The following FGF12 variants were observed in gnomAD, a reference collection of about 807,000 sequenced individuals.
FGF12 encodes the protein fibroblast growth factor 12, also known as fibroblast growth factor 12B.
A neutral mutation model predicts 23.6 loss-of-function variants in FGF12; 14 were observed. The observed-to-expected ratio is 0.59, with a 90% CI of 0.39 to 0.93. The LOEUF is 0.93. FGF12 is among the 40% of genes least tolerant of loss of function. FGF12 has a pLI of 0.00. For synonymous variants in FGF12, 62 were observed against 77.3 expected (o/e 0.80, Z 1.04); for missense variants, 175 against 217.8 (o/e 0.80, Z 1.24).
At position 192,418,981 on chromosome 3, in the gene FGF12, C is replaced by G. The variant is rs189375222; in HGVS notation, c.14-58443G>C. Among the ~76,000 whole-genome samples the G allele has an allele frequency of 4.5e-3, 684 of 152,302 alleles. 7 individuals are homozygous for G. Among genetic ancestry groups the G allele is most frequent in the African/African-American group, 0.016 (657 of 41,566 alleles). On this transcript the variant is annotated intron_variant, in intron 2 of 5. Transcript: ENST00000445105. ...ACCATGCACAGTCCTGGGCCCTACA[C>G]AGGTTATTTTACCTAATCCTCACAA... is the stretch of plus-strand genomic sequence containing the variant.
In FGF12 at chr3:192,424,861, A is replaced by T. The variant is rs77147977; in HGVS notation, c.14-64323T>A. On this transcript the variant is annotated intron_variant, in intron 2 of 5. Coordinates refer to ENST00000445105, the MANE Select transcript of FGF12 (RefSeq NM_004113.6). The stretch of plus-strand genomic sequence containing the variant: ...AATAGGCCATGTTTTTTATCCCTTC[A>T]CCAGTCTTCTTGCCTCAGCATTTTA... 7.9e-5 allele frequency among the ~76,000 whole-genome samples: 12 copies of T among 152,140 alleles called. No individual in the cohort carries two copies. In the East Asian group the frequency reaches 2.1e-3, roughly 27 times the overall value.
At chr3:192,614,279 A>G (rs186890849) in intron 2 of FGF12, among the ~76,000 whole-genome samples, 28 of 151,788 alleles carry the variant, frequency 1.8e-4, no homozygotes, top group Non-Finnish European at 1.5e-5. Flanking sequence ...CTTTTTTCAA[A>G]CAATCTGCTA....
At chr3:192,492,211 A>C (rs887018516) in intron 2 of FGF12, among the ~76,000 whole-genome samples, 4 of 152,180 alleles carry the variant, frequency 2.6e-5, no homozygotes, top group African/African-American at 9.6e-5. Flanking sequence ...GAATGAAATA[A>C]TTATTTTGCA....
At chr3:192,157,754 T>G (rs748668303) in intron 5 of FGF12, among the ~76,000 whole-genome samples, 2 of 152,226 alleles carry the variant, frequency 1.3e-5, no homozygotes, top group East Asian at 3.8e-4. Context: ...TGCTGTTATT[T>G]ATAAAGCACA....
At chr3:192,344,932 ACAGACT>A (rs1230870614) in intron 3 of FGF12, among the ~76,000 whole-genome samples, 1 of 152,210 alleles carries the variant, frequency 6.6e-6, no homozygotes, top group Non-Finnish European at 1.5e-5. Flanking sequence ...TTTGTCTTAC[ACAGACT>A]TGTCTTGGAG....
chr3:192,651,457 T>C (rs1314878500), intron 2 of FGF12, among the ~76,000 whole-genome samples: 1 of 152,200 alleles, frequency 6.6e-6, no homozygotes, highest in Non-Finnish European at 1.5e-5. Context: ...TACTGGTATA[T>C]GGCAAATAAG....
rs148693151 is a variant in FGF12 at position 192,234,874 on chromosome 3, C to T, written c.229-64218G>A. 1.7e-4 allele frequency among the ~76,000 whole-genome samples: 26 copies of T among 152,330 alleles called. No homozygotes were observed. In the East Asian group the frequency reaches 4.8e-3, roughly 28 times the overall value. The stretch of plus-strand genomic sequence containing the variant: ...ATATTCATATGATGAGCCAATCTTA[C>T]ATCCCAGGACTAAAGCCTGCTTTAT... On this transcript the variant is annotated intron_variant, in intron 4 of 5. Coordinates refer to ENST00000445105, the MANE Select transcript of FGF12 (RefSeq NM_004113.6).
At chr3:192,376,330 ATTAAT>A (rs1719497907) in intron 2 of FGF12, among the ~76,000 whole-genome samples, 1 of 142,692 alleles carries the variant, frequency 7.0e-6, no homozygotes, top group African/African-American at 2.7e-5. Flanking sequence ...CTATATAATT[ATTAAT>A]TTAATTTTAT....
rs1018000277 is a variant in FGF12, at chr3:192,643,757, T to G, written c.13+83424A>C. Among the ~76,000 whole-genome samples, 8 of 152,310 alleles carry G rather than the reference T, an allele frequency of 5.3e-5. No individual in the cohort carries two copies. In the East Asian group the frequency reaches 1.3e-3, roughly 26 times the overall value. On this transcript the variant is annotated intron_variant, in intron 2 of 5. Transcript: ENST00000445105. Reference sequence around the variant, plus strand: ...TATAAATTATAAATAGTATATACATTTTTTAAACCACAGAAAAGACTATCA... The same window carrying G: ...TATAAATTATAAATAGTATATACATGTTTTAAACCACAGAAAAGACTATCA...
intron 4 of FGF12, among the ~76,000 whole-genome samples, chr3:192,266,666 T>C (rs1218681321): frequency 3.9e-5 from 6 of 152,120 alleles, no homozygotes; most frequent in African/African-American, 1.2e-4. Flanking sequence ...AATGAATATG[T>C]TAATTAGGAA....
At chr3:192,345,355 T>C (rs999571448) in intron 3 of FGF12, among the ~76,000 whole-genome samples, 1 of 152,218 alleles carries the variant, frequency 6.6e-6, no homozygotes, top group African/African-American at 2.4e-5. Flanking sequence ...TGAACCTAGA[T>C]TCTGGTGGCT....
chr3:192,261,602 T>A (rs1316615477), intron 4 of FGF12, among the ~76,000 whole-genome samples: 1 of 152,168 alleles, frequency 6.6e-6, no homozygotes, highest in African/African-American at 2.4e-5. Flanking sequence ...AGAGGTTATG[T>A]CCAGGAACAC....
intron 3 of FGF12, among the ~76,000 whole-genome samples, chr3:192,344,516 G>A (rs1717858682): frequency 6.6e-6 from 1 of 152,140 alleles, no homozygotes; most frequent in African/African-American, 2.4e-5. Context: ...TATTTTATAA[G>A]CAATTGGCCA....
chr3:192,460,498 C>T (rs188815567), intron 2 of FGF12, among the ~76,000 whole-genome samples: 2 of 152,144 alleles, frequency 1.3e-5, no homozygotes, highest in East Asian at 3.9e-4. Context: ...AACTCTGAAA[C>T]AAATGTCACA....
chr3:192,484,805 T>C (rs1723583311), intron 2 of FGF12, among the ~76,000 whole-genome samples: 1 of 152,216 alleles, frequency 6.6e-6, no homozygotes, highest in African/African-American at 2.4e-5. Flanking sequence ...GCCATGTGAA[T>C]GGTGCTCCCG....
At chr3:192,432,599 G>A (rs1444377154) in intron 2 of FGF12, among the ~76,000 whole-genome samples, 7 of 126,860 alleles carry the variant, frequency 5.5e-5, no homozygotes, top group African/African-American at 1.8e-4. Flanking sequence ...TAGGAACTGA[G>A]AGAGCATTGC....
At chr3:192,287,030 T>C (rs1054761554) in intron 4 of FGF12, among the ~76,000 whole-genome samples, 1 of 152,084 alleles carries the variant, frequency 6.6e-6, no homozygotes, top group African/African-American at 2.4e-5. Flanking sequence ...ATAAATGGAA[T>C]TGTCTGAATG....
intron 4 of FGF12, among the ~76,000 whole-genome samples, chr3:192,192,733 A>G (rs976379863): frequency 6.6e-6 from 1 of 152,010 alleles, no homozygotes; most frequent in Non-Finnish European, 1.5e-5. Context: ...AAATAAAAGA[A>G]GTGTCTTTAA....
chr3:192,250,205 G>A (rs1442168537), intron 4 of FGF12, among the ~76,000 whole-genome samples: 1 of 152,018 alleles, frequency 6.6e-6, no homozygotes, highest in Non-Finnish European at 1.5e-5. Context: ...TTCTATTTCT[G>A]TTTATTCTGG....
Sources: allele counts gnomAD v4.1 joint callset (sites outside exome capture counted in the v4.1 genomes callset), GRCh38; gene constraint gnomAD v4.1.1; transcripts MANE v1.5; gene names NCBI Gene and HGNC (gene_info 2026-07-23, HGNC 2026-07-21).